The following LAMA2 variants were observed in gnomAD, a reference collection of about 807,000 sequenced individuals.
LAMA2 encodes laminin subunit alpha-2.
Under a neutral mutation model 364.8 loss-of-function variants are expected in LAMA2, and 269 were observed. The ratio of observed to expected loss-of-function variants is 0.74; its 90% CI spans 0.67 to 0.82. The LOEUF (loss-of-function observed/expected upper bound fraction) is 0.82, where lower values mean the gene tolerates loss of function less well. LAMA2 is among the 40% of genes least tolerant of loss of function. LAMA2 has a pLI of 0.00. For missense variants in LAMA2, 3,807 were observed against 3,873.2 expected, an observed-to-expected ratio of 0.98 and a Z score of 0.45; for synonymous variants, 1,379 against 1,370.6, an observed-to-expected ratio of 1.01 and a Z score of -0.14.
chr6:129,062,562 A>G (rs975344884), intron 3 of LAMA2, among the ~76,000 whole-genome samples: 1 of 152,088 alleles, frequency 6.6e-6, no homozygotes, highest in African/African-American at 2.4e-5. Flanking sequence ...TAGAACCCTC[A>G]TTTTCTAGTA....
intron 32 of LAMA2, among the ~76,000 whole-genome samples, chr6:129,361,063 C>G (rs2114609075): frequency 6.6e-6 from 1 of 152,250 alleles, no homozygotes; most frequent in East Asian, 1.9e-4. Context: ...TGTTTGCTAT[C>G]AAAGGCACAC....
intron 1 of LAMA2, among the ~76,000 whole-genome samples, chr6:128,978,227 G>GCT (rs1782651699): frequency 6.6e-6 from 1 of 152,122 alleles, no homozygotes; most frequent in Non-Finnish European, 1.5e-5. Flanking sequence ...GGTCGCTTGT[G>GCT]AATAGTTGAA....
chr6:129,164,657 CT>C (rs1215274574), intron 8 of LAMA2, among the ~76,000 whole-genome samples: 1 of 152,192 alleles, frequency 6.6e-6, no homozygotes, highest in Non-Finnish European at 1.5e-5. Context: ...AACTTAAAGT[CT>C]GAATTCTCTT....
intron 40 of LAMA2, 126 bp downstream of exon 40, chr6:129,404,085 T>A: frequency 9.6e-7 from 1 of 1,041,836 alleles, no homozygotes; most frequent in East Asian, 2.6e-5. Context: ...GAAGACCTCT[T>A]TTAAAATTTG....
intron 4 of LAMA2, among the ~76,000 whole-genome samples, chr6:129,129,691 G>T (rs1313674796): frequency 6.6e-6 from 1 of 152,018 alleles, no homozygotes; most frequent in Non-Finnish European, 1.5e-5. Flanking sequence ...TTGGGAGGCC[G>T]AGGCGGGCGG....
intron 15 of LAMA2, among the ~76,000 whole-genome samples, chr6:129,263,412 A>G (rs922552265): frequency 1.3e-5 from 2 of 152,182 alleles, no homozygotes; most frequent in Non-Finnish European, 2.9e-5. Flanking sequence ...TAGAAAGTCT[A>G]CTTTGTAAAA....
At position 129,069,045 on chromosome 6, in the gene LAMA2, G is replaced by C. The variant is rs117252080; in HGVS notation, c.396+9149G>C. The stretch of plus-strand genomic sequence containing the variant: ...GGAGACCCAGATCCTATTTCAAATA[G>C]AGTCAAGATGACTGCCCTAGAAAAT... On this transcript the variant is annotated intron_variant, in intron 3 of 64. Transcript: ENST00000421865. Among the ~76,000 whole-genome samples, 154 of 152,124 alleles carry C rather than the reference G, an allele frequency of 1.0e-3. 2 individuals are homozygous for C. The East Asian group carries it at 0.025, about 25-fold the overall frequency.
intron 1 of LAMA2, among the ~76,000 whole-genome samples, chr6:128,935,909 A>G (rs185516215): frequency 6.6e-6 from 1 of 152,284 alleles, no homozygotes; most frequent in Non-Finnish European, 1.5e-5. Context: ...TGTAACCCTC[A>G]TCATCCCCAT....
intron 1 of LAMA2, among the ~76,000 whole-genome samples, chr6:129,046,298 C>T (rs938413483): frequency 6.6e-6 from 1 of 151,926 alleles, no homozygotes; most frequent in African/African-American, 2.4e-5. Flanking sequence ...AAAGACATAC[C>T]CAAGACTGGA....
At chr6:129,244,829 C>T (rs377082411) in intron 12 of LAMA2, among the ~76,000 whole-genome samples, 3 of 152,154 alleles carry the variant, frequency 2.0e-5, no homozygotes, top group African/African-American at 7.2e-5. Context: ...TGTGGGAAAA[C>T]TTTCCTGCCT....
At chr6:128,923,826 G>A (rs915766645) in intron 1 of LAMA2, among the ~76,000 whole-genome samples, 4 of 152,120 alleles carry the variant, frequency 2.6e-5, no homozygotes, top group African/African-American at 9.7e-5. Context: ...TCCATCTGGT[G>A]ACTCAGGGTC....
chr6:129,353,094 G>T, intron 31 of LAMA2, 70 bp from the exon 32 acceptor site: 2 of 1,236,682 alleles, frequency 1.6e-6, no homozygotes, highest in Non-Finnish European at 2.3e-6. Context: ...CAAAACAAAA[G>T]ACCACACACA....
At chr6:129,490,338 C>CTTAA (rs1784797974) in intron 56 of LAMA2, among the ~76,000 whole-genome samples, 1 of 152,140 alleles carries the variant, frequency 6.6e-6, no homozygotes, top group Non-Finnish European at 1.5e-5. Context: ...CACACTAGTA[C>CTTAA]TTAATTCCAG....
At chr6:128,982,085 T>C (rs1319022450) in intron 1 of LAMA2, among the ~76,000 whole-genome samples, 1 of 152,230 alleles carries the variant, frequency 6.6e-6, no homozygotes, top group East Asian at 1.9e-4. Context: ...ATTAGCTTTT[T>C]TATACTGAGA....
chr6:129,406,110 A>C (rs1216759047), intron 40 of LAMA2, among the ~76,000 whole-genome samples: 3 of 152,176 alleles, frequency 2.0e-5, no homozygotes, highest in African/African-American at 7.2e-5. Flanking sequence ...TAAGAAAAGA[A>C]ACAAAGAAAT....
At chr6:129,440,531 A>T (rs1048411191) in intron 42 of LAMA2, among the ~76,000 whole-genome samples, 1 of 152,178 alleles carries the variant, frequency 6.6e-6, no homozygotes, top group African/African-American at 2.4e-5. Flanking sequence ...CTCGTGAATA[A>T]GTTCAGCAGC....
intron 4 of LAMA2, among the ~76,000 whole-genome samples, chr6:129,127,750 G>A (rs1008357534): frequency 6.6e-6 from 1 of 152,000 alleles, no homozygotes; most frequent in Non-Finnish European, 1.5e-5. Flanking sequence ...ATTTTAATTT[G>A]CATTTCCCTA....
intron 4 of LAMA2, among the ~76,000 whole-genome samples, chr6:129,141,369 G>A (rs899884251): frequency 6.6e-6 from 1 of 151,990 alleles, no homozygotes; most frequent in Non-Finnish European, 1.5e-5. Context: ...GAATATACAA[G>A]ATCTGCTTCA....
At chr6:129,350,523 A>C (rs1014619667) in intron 31 of LAMA2, among the ~76,000 whole-genome samples, 6 of 152,176 alleles carry the variant, frequency 3.9e-5, no homozygotes, top group Non-Finnish European at 8.8e-5. Flanking sequence ...TTTGGCCCCT[A>C]AGTGGAACAA....
Sources: gnomAD v4.1 joint callset for allele counts (sites outside exome capture counted in the v4.1 genomes callset) on GRCh38, gnomAD v4.1.1 for gene constraint, MANE v1.5 for transcripts, NCBI Gene and HGNC (gene_info 2026-07-23, HGNC 2026-07-21) for gene names.